The following PDE11A variants were observed in gnomAD, a reference collection of about 807,000 sequenced individuals.
PDE11A encodes dual 3',5'-cyclic-AMP and -GMP phosphodiesterase 11A.
PDE11A carries 100 observed loss-of-function variants against 100.5 expected under a neutral mutation model. That is an observed-to-expected ratio of 1.00 (90% CI 0.85 to 1.18). The LOEUF (loss-of-function observed/expected upper bound fraction) is 1.18, where lower values mean the gene tolerates loss of function less well. PDE11A is among the 50% of genes most tolerant of loss of function. PDE11A has a pLI of 0.00. For missense variants in PDE11A, 1,141 were observed against 1,152.6 expected (o/e 0.99, Z 0.15); for synonymous variants, 381 against 420.8 (o/e 0.91, Z 1.16).
At chr2:177,780,427 G>A (rs1414817873) in intron 9 of PDE11A, among the ~76,000 whole-genome samples, 1 of 151,994 alleles carries the variant, frequency 6.6e-6, no homozygotes, top group Non-Finnish European at 1.5e-5. Context: ...TTTTCAAAAT[G>A]GTAAATAAGC....
intron 15 of PDE11A, among the ~76,000 whole-genome samples, chr2:177,685,457 T>G (rs1258032220): frequency 1.3e-5 from 2 of 152,242 alleles, no homozygotes; most frequent in African/African-American, 2.4e-5. Context: ...GCCCATAGTA[T>G]GTTCACTATA....
intron 2 of PDE11A, among the ~76,000 whole-genome samples, chr2:178,093,594 G>C (rs1234809937): frequency 6.6e-6 from 1 of 152,108 alleles, no homozygotes; most frequent in African/African-American, 2.4e-5. Context: ...AACCTTTCAG[G>C]AAGCACCTGT....
chr2:177,845,850 G>A (rs905213347), intron 5 of PDE11A, among the ~76,000 whole-genome samples: 3 of 152,204 alleles, frequency 2.0e-5, no homozygotes, highest in African/African-American at 4.8e-5. Context: ...CCAACACAGC[G>A]AAACCCCGTC....
chr2:177,820,150 T>C, intron 7 of PDE11A, 70 bp downstream of exon 7: 2 of 800,826 alleles, frequency 2.5e-6, no homozygotes, highest in East Asian at 2.5e-5. Context: ...ATAAAAAAGA[T>C]ATGGGAATAT....
rs917709476 is a variant in PDE11A, at chr2:177,702,795, C to T, written c.2154-1584G>A. ...TATAATATAATATAATGTAAAATATCGGAATTATTTTTCTTAGGTGCTTAG... is the reference window on the plus strand; with the variant it reads ...TATAATATAATATAATGTAAAATATTGGAATTATTTTTCTTAGGTGCTTAG... On this transcript the variant is annotated intron_variant, in intron 13 of 19. Transcript: ENST00000286063. 19 of 151,950 alleles carry T rather than the reference C, an allele frequency of 1.3e-4. No homozygotes were observed. The East Asian group carries it at 2.5e-3, about 20-fold the overall frequency. 9.4% of individuals were successfully genotyped at this position (151,950 alleles called of 1,614,324 possible). A position where few individuals can be genotyped will look rare whatever the true frequency, so the allele number is the denominator to read the frequency against.
intron 2 of PDE11A, among the ~76,000 whole-genome samples, chr2:177,906,993 T>C (rs1459931881): frequency 1.3e-5 from 2 of 152,324 alleles, no homozygotes; most frequent in East Asian, 3.9e-4. Flanking sequence ...TATTTATTTT[T>C]GCCTTCAGGG....
At chr2:178,032,498 A>T (rs1024108800) in intron 1 of PDE11A, among the ~76,000 whole-genome samples, 34 of 145,132 alleles carry the variant, frequency 2.3e-4, no homozygotes, top group African/African-American at 8.5e-4. Context: ...AAAAAAAAAA[A>T]GGACTTGGGT....
At chr2:178,027,489 C>A (rs2086492052) in intron 1 of PDE11A, among the ~76,000 whole-genome samples, 1 of 152,134 alleles carries the variant, frequency 6.6e-6, no homozygotes, top group South Asian at 2.1e-4. Context: ...AGATAGGCAA[C>A]ATACACCAGC....
At chr2:178,105,960 T>A (rs1010140590) in intron 1 of PDE11A, among the ~76,000 whole-genome samples, 1 of 152,066 alleles carries the variant, frequency 6.6e-6, no homozygotes, top group African/African-American at 2.4e-5. Flanking sequence ...GGAGATGGGG[T>A]TTGGGATGGA....
intron 2 of PDE11A, among the ~76,000 whole-genome samples, chr2:177,964,503 G>A (rs2085674404): frequency 6.6e-6 from 1 of 152,048 alleles, no homozygotes; most frequent in Admixed American, 6.6e-5. Context: ...TGAGCATAGT[G>A]CCTGATAGGT....
intron 9 of PDE11A, among the ~76,000 whole-genome samples, chr2:177,798,884 T>C (rs2082744043): frequency 6.6e-6 from 1 of 152,202 alleles, no homozygotes; most frequent in Non-Finnish European, 1.5e-5. Context: ...AGTGACTTCC[T>C]TCTAAAGACT....
At chr2:177,642,536 G>T (rs2080159520) in intron 19 of PDE11A, among the ~76,000 whole-genome samples, 1 of 152,164 alleles carries the variant, frequency 6.6e-6, no homozygotes, top group African/African-American at 2.4e-5. Context: ...CAGAACTGTG[G>T]TATCCCTAGC....
chr2:177,898,632 C>T (rs1574262260), intron 3 of PDE11A, among the ~76,000 whole-genome samples: 1 of 152,286 alleles, frequency 6.6e-6, no homozygotes. Flanking sequence ...GAGAATACCC[C>T]TTCCCTCTTC....
chr2:178,002,628 G>C (rs2086159072), intron 2 of PDE11A, among the ~76,000 whole-genome samples: 1 of 152,124 alleles, frequency 6.6e-6, no homozygotes, highest in Non-Finnish European at 1.5e-5. Context: ...AATTGGCTTA[G>C]GTCAGTTTGC....
intron 2 of PDE11A, among the ~76,000 whole-genome samples, chr2:178,006,753 C>T (rs570236952): frequency 5.7e-4 from 87 of 151,636 alleles, no homozygotes; most frequent in African/African-American, 1.8e-3. Context: ...TAAAAATAAA[C>T]GGCATTATAA....
chr2:177,857,040 T>C (rs1361079466), intron 5 of PDE11A, among the ~76,000 whole-genome samples: 1 of 151,720 alleles, frequency 6.6e-6, no homozygotes, highest in Non-Finnish European at 1.5e-5. Context: ...CAAGAAAAAA[T>C]CTTGAAAACA....
At chr2:177,814,303 G>A (rs1021791211) in intron 9 of PDE11A, among the ~76,000 whole-genome samples, 4 of 151,828 alleles carry the variant, frequency 2.6e-5, no homozygotes, top group Non-Finnish European at 5.9e-5. Context: ...AGAAGTTGAT[G>A]TATATTATAA....
chr2:177,659,120 G>A (rs1424347262), intron 19 of PDE11A, among the ~76,000 whole-genome samples: 1 of 151,980 alleles, frequency 6.6e-6, no homozygotes, highest in African/African-American at 2.4e-5. Flanking sequence ...AATTAGCCAG[G>A]TGTGGTGGTG....
At chr2:177,957,713 ATTCT>A (rs2085582168) in intron 2 of PDE11A, among the ~76,000 whole-genome samples, 1 of 152,176 alleles carries the variant, frequency 6.6e-6, no homozygotes, top group Non-Finnish European at 1.5e-5. Flanking sequence ...AGTTACAATA[ATTCT>A]TTCTTTTAAA....
Sources: allele counts gnomAD v4.1 joint callset (sites outside exome capture counted in the v4.1 genomes callset), GRCh38; gene constraint gnomAD v4.1.1; transcripts MANE v1.5; gene names NCBI Gene and HGNC (gene_info 2026-07-23, HGNC 2026-07-21).